The following ASXL1 variants were observed in gnomAD, a reference collection of about 807,000 sequenced individuals.
ASXL1 encodes polycomb group protein ASXL1.
Under a neutral mutation model 89.1 loss-of-function variants are expected in ASXL1, and 65 were observed. The observed-to-expected ratio is 0.73, with a 90% CI of 0.60 to 0.90. ASXL1 has a LOEUF of 0.90. Ranked by LOEUF, ASXL1 falls within the 40% of genes least tolerant of loss-of-function variation. ASXL1 has a pLI of 0.00. For synonymous variants in ASXL1, 739 were observed against 746.9 expected (o/e 0.99, Z 0.17); for missense variants, 1,786 against 1,942.9 (o/e 0.92, Z 1.52).
At position 32,359,776 on chromosome 20, in the gene ASXL1, G is replaced by A. The variant is rs949466339; in HGVS notation, c.57+944G>A. On this transcript the variant is annotated intron_variant, in intron 1 of 12. Transcript: ENST00000375687. Reference sequence around the variant, plus strand: ...GGGTTGTGAATTTTGTGTTCAGAGCGTCAGAGGACTTGCAGGTGAAATAGC... The same window carrying A: ...GGGTTGTGAATTTTGTGTTCAGAGCATCAGAGGACTTGCAGGTGAAATAGC... 4.2e-6 allele frequency: 3 copies of A among 717,990 alleles called. 1 individual carries two copies. The highest frequency in any genetic ancestry group is 5.4e-5 in the East Asian group (2 of 37,308). The allele number at this position is 717,990 out of a possible 1,614,324, so 44.5% of individuals were successfully genotyped here.
rs376089258 is a variant in ASXL1, at chr20:32,433,693, C to G, written c.1495C>G (p.Arg499Gly). 6.2e-7 allele frequency: 1 copy of G among 1,611,422 alleles called. No homozygotes were observed. Among genetic ancestry groups the G allele is most frequent in the African/African-American group, 1.3e-5 (1 of 74,890 alleles). Residue 499 changes from arginine (R) to glycine (G), a missense_variant, in exon 12 of 13, where the codon CGT becomes GGT. By Grantham distance (125) the Arg-to-Gly change is moderately radical. Coordinates refer to ENST00000375687, the MANE Select transcript of ASXL1 (RefSeq NM_015338.6). ...RIQAEPDNLARASASPDRIPS... is the reference protein window; with the variant it reads ...RIQAEPDNLAGASASPDRIPS... ...CCAGGCTGAGCCAGACAACTTGGCA[C>G]GTGCCTCTGCATCTCCAGACAGAAT... is the stretch of plus-strand genomic sequence containing the variant.
In ASXL1 at chr20:32,382,951, T is replaced by C. The variant is rs139961869; in HGVS notation, c.252+13828T>C. Among the ~76,000 whole-genome samples the C allele has an allele frequency of 9.2e-3, 1,408 of 152,260 alleles. 61 individuals are homozygous for C. Among genetic ancestry groups the C allele is most frequent in the Admixed American group, 0.073 (1,112 of 15,276 alleles). ...TCTCAAGTTATCTAATTTACTGTCA[T>C]TTTACAGATAAAAACTAAACTTCTG... On this transcript the variant is annotated intron_variant, in intron 4 of 12. Transcript: ENST00000375687.
chr20:32,430,230 A>G (rs764398865), intron 8 of ASXL1, 177 bp downstream of exon 8: 344 of 863,402 alleles, frequency 4.0e-4, no homozygotes, highest in Non-Finnish European at 5.2e-4. Flanking sequence ...GCTCTCTGCT[A>G]AACTGTGAGA....
rs769166824 is a variant in ASXL1 at position 32,401,578 on chromosome 20, G to A, written c.253-26550G>A. On this transcript the variant is annotated intron_variant, in intron 4 of 12. Transcript: ENST00000375687. ...CCCCCCCCCTTTTTTTTTTTGAGAC[G>A]GAGTCTCACTCTCGTCACCCAGACT... 2.4e-3 allele frequency among the ~76,000 whole-genome samples: 316 copies of A among 131,442 alleles called. 3 individuals are homozygous for A. Among genetic ancestry groups the A allele is most frequent in the Non-Finnish European group, 3.4e-3 (220 of 64,726 alleles). The allele number at this position is 131,442 out of a possible 152,430, so 86.2% of individuals were successfully genotyped here. A position where few individuals can be genotyped will look rare whatever the true frequency, so the allele number is the denominator to read the frequency against.
intron 1 of ASXL1, among the ~76,000 whole-genome samples, chr20:32,361,994 G>A (rs995549882): frequency 3.9e-5 from 6 of 152,254 alleles, no homozygotes; most frequent in Non-Finnish European, 2.9e-5. Context: ...ACTTGAACTC[G>A]GGAGGTGGAG....
chr20:32,428,715 C>T (rs1433483108), intron 6 of ASXL1: 6 of 325,078 alleles, frequency 1.8e-5, no homozygotes, highest in African/African-American at 1.3e-4. Context: ...GGCTGGAGTG[C>T]AGTGGCATGA....
At chr20:32,390,447 T>A (rs1011845439) in intron 4 of ASXL1, among the ~76,000 whole-genome samples, 2 of 152,176 alleles carry the variant, frequency 1.3e-5, no homozygotes. Context: ...TATACAGATA[T>A]GTAATCCCCA....
intron 4 of ASXL1, among the ~76,000 whole-genome samples, chr20:32,406,755 A>G (rs935260010): frequency 1.3e-5 from 2 of 151,896 alleles, no homozygotes; most frequent in Admixed American, 1.3e-4. Flanking sequence ...GCCCTTCTCA[A>G]CCCGCGTGGG....
At chr20:32,433,221 T>C in intron 11 of ASXL1, 63 bp from the exon 12 acceptor site, 1 of 1,609,024 alleles carries the variant, frequency 6.2e-7, no homozygotes, top group East Asian at 2.2e-5. Context: ...TCCATATTAT[T>C]CATAGAAATA....
intron 4 of ASXL1, among the ~76,000 whole-genome samples, chr20:32,398,610 T>G (rs1365569500): frequency 1.4e-5 from 2 of 146,920 alleles, no homozygotes; most frequent in African/African-American, 5.0e-5. Flanking sequence ...TTTGTTTTTT[T>G]TTTTGTTTTT....
chr20:32,402,557 A>G (rs76813825), intron 4 of ASXL1, among the ~76,000 whole-genome samples: 1,592 of 152,350 alleles, frequency 0.01, 28 homozygotes, highest in African/African-American at 0.036. Flanking sequence ...GAGTGGTGGT[A>G]GTTTTTCATT....
chr20:32,383,636 T>C (rs1460723007), intron 4 of ASXL1, among the ~76,000 whole-genome samples: 3 of 152,076 alleles, frequency 2.0e-5, no homozygotes, highest in Non-Finnish European at 4.4e-5. Context: ...CTGTGCCAGA[T>C]TGAGTGATAT....
At position 32,435,717 on chromosome 20, in the gene ASXL1, C is replaced by A. The variant is rs2011807232; in HGVS notation, c.3005C>A (p.Ala1002Asp). 3 of 1,614,198 alleles carry A rather than the reference C, an allele frequency of 1.9e-6. No individual in the cohort carries two copies. The highest frequency in any genetic ancestry group is 3.3e-4 in the Middle Eastern group (2 of 6,062). ...CCTCACGGTGAGTCCACGGATACAG[C>A]CTCTGACTTTGAAGGTCACCTCACG... is the stretch of plus-strand genomic sequence containing the variant. ...LSPHGESTDT[A>D]SDFEGHLTED... Residue 1002 changes from alanine (A) to aspartate (D), a missense_variant, in exon 13 of 13, where the codon GCC (alanine) becomes GAC (aspartate). Transcript: ENST00000375687.
chr20:32,425,487 T>C (rs1384001893), intron 4 of ASXL1, among the ~76,000 whole-genome samples: 1 of 152,246 alleles, frequency 6.6e-6, no homozygotes, highest in Non-Finnish European at 1.5e-5. Flanking sequence ...TAATTAACAC[T>C]ACTTGATATT....
At position 32,429,519 on chromosome 20, in the gene ASXL1, C is replaced by A; in HGVS notation, c.565+88C>A. The A allele has an allele frequency of 7.4e-7, 1 of 1,355,148 alleles. No individual in the cohort carries two copies. The highest frequency in any genetic ancestry group is 1.1e-6 in the Non-Finnish European group (1 of 948,984). 83.9% of individuals were successfully genotyped at this position (1,355,148 alleles called of 1,614,324 possible). ...GTCAGCAGTTTCTGACCTAATAGTG[C>A]GATACTAGGAGAGCTGTCGGGCCAC... On this transcript the variant is annotated intron_variant, in intron 7 of 12. Coordinates refer to ENST00000375687, the MANE Select transcript of ASXL1 (RefSeq NM_015338.6). The surrounding 1 kb of genome is among the most constrained non-coding windows in gnomAD (Gnocchi z 4.9).
chr20:32,428,183 A>C lies in ASXL1; in HGVS notation c.308A>C (p.Glu103Ala). 1 of 1,614,160 alleles carries C rather than the reference A, an allele frequency of 6.2e-7. No homozygotes were observed. Among genetic ancestry groups the C allele is most frequent in the Non-Finnish European group, 8.5e-7 (1 of 1,180,032 alleles). ...GCTACAGTGGAGGGAGAGGAGCCAG[A>C]GGACACGGCTGATGTGGAGAGCTGT... ...HPATVEGEEP[E>A]DTADVESCGS... Residue 103 changes from glutamate (E) to alanine (A), a missense_variant, in exon 5 of 13, where the codon GAG becomes GCG. This residue lies in a region of ASXL1 where 332 missense variants were observed against 449.7 expected (regional missense o/e 0.74). Coordinates refer to ENST00000375687, the MANE Select transcript of ASXL1 (RefSeq NM_015338.6).
chr20:32,372,435 GC>G, intron 4 of ASXL1: 27 of 1,081,768 alleles, frequency 2.5e-5, no homozygotes, highest in Non-Finnish European at 3.0e-5. Flanking sequence ...TTAATGGTTT[GC>G]TTGGTTGGTT....
chr20:32,375,430 CAG>C (rs2048360872), intron 4 of ASXL1, among the ~76,000 whole-genome samples: 1 of 147,480 alleles, frequency 6.8e-6, no homozygotes, highest in African/African-American at 2.5e-5. Context: ...GCCTGGGTGA[CAG>C]AGCAAGACTT....
rs371903529 is a variant in ASXL1 at position 32,435,443 on chromosome 20, C to T, written c.2731C>T (p.Pro911Ser). 14 of 1,613,890 alleles carry T rather than the reference C, an allele frequency of 8.7e-6. No homozygotes were observed. In the African/African-American group the frequency reaches 1.7e-4, roughly 20 times the overall value. Residue 911 changes from proline to serine, a missense_variant, in exon 13 of 13, where the codon CCC (proline) becomes TCC (serine). Physicochemically the swap from Pro to Ser is moderately conservative, Grantham distance 74. Transcript: ENST00000375687. ...ATCGAATGATGAGGTAGTGAAACAG[C>T]CCAAACCAGAATCCAGAGAACACAT... ...IPSNDEVVKQ[P>S]KPESREHIPS... is the part of the protein sequence containing the mutation.
Sources: gnomAD v4.1 joint callset for allele counts (sites outside exome capture counted in the v4.1 genomes callset) on GRCh38, gnomAD v4.1.1 for gene constraint, gnomAD v4.1.1 regional missense constraint, Gnocchi (gnomAD v3.1) non-coding constraint, MANE v1.5 for transcripts, NCBI Gene and HGNC (gene_info 2026-07-23, HGNC 2026-07-21) for gene names.